LRMDA: variants seen among roughly 807,000 people sequenced by gnomAD.
The protein encoded by LRMDA is leucine-rich melanocyte differentiation-associated protein.
Under a neutral mutation model 29.8 loss-of-function variants are expected in LRMDA, and 18 were observed. The ratio of observed to expected loss-of-function variants is 0.60; its 90% CI spans 0.42 to 0.90. LRMDA has a LOEUF of 0.90. Among genes scored for constraint, LRMDA ranks in the 40% least tolerant of loss-of-function variants. The pLI is 0.00. For missense variants in LRMDA, 273 were observed against 273.9 expected, an observed-to-expected ratio of 1.00 and a Z score of 0.02; for synonymous variants, 125 against 109.4, an observed-to-expected ratio of 1.14 and a Z score of -0.89.
intron 6 of LRMDA, among the ~76,000 whole-genome samples, chr10:76,334,185 G>A (rs1003094424): frequency 2.0e-5 from 3 of 152,210 alleles, no homozygotes; most frequent in African/African-American, 4.8e-5. Flanking sequence ...TGAATCTTGG[G>A]CTCCTGGAAG....
chr10:76,181,513 C>T (rs565889343), intron 5 of LRMDA, among the ~76,000 whole-genome samples: 38 of 152,258 alleles, frequency 2.5e-4, no homozygotes, highest in African/African-American at 8.7e-4. Context: ...TAAATCTGAA[C>T]AGGAAGAGTA....
chr10:75,549,317 A>C (rs1174397239), intron 2 of LRMDA, among the ~76,000 whole-genome samples: 1 of 152,122 alleles, frequency 6.6e-6, no homozygotes, highest in Non-Finnish European at 1.5e-5. Flanking sequence ...GGGATGTTTG[A>C]TCTGGAATGC....
intron 6 of LRMDA, among the ~76,000 whole-genome samples, chr10:76,440,650 A>G (rs1002713050): frequency 6.6e-6 from 1 of 152,110 alleles, no homozygotes; most frequent in Non-Finnish European, 1.5e-5. Flanking sequence ...TCATTATTAC[A>G]TGACTGGAAA....
intron 2 of LRMDA, among the ~76,000 whole-genome samples, chr10:75,810,343 G>A (rs543373846): frequency 8.5e-5 from 13 of 152,310 alleles, no homozygotes; most frequent in African/African-American, 2.2e-4. Flanking sequence ...TAGCAGGAGC[G>A]AAAGCAGGGC....
chr10:76,545,279 G>T (rs1248715525), intron 6 of LRMDA, among the ~76,000 whole-genome samples: 5 of 150,970 alleles, frequency 3.3e-5, no homozygotes, highest in African/African-American at 9.8e-5. Flanking sequence ...TGCAGAACCA[G>T]ACAGAACTGT....
At chr10:76,089,732 C>T (rs1298598483) in intron 5 of LRMDA, among the ~76,000 whole-genome samples, 1 of 152,158 alleles carries the variant, frequency 6.6e-6, no homozygotes, top group African/African-American at 2.4e-5. Flanking sequence ...CAACCACAGC[C>T]TCCCTCCCCA....
At chr10:76,511,970 T>C (rs1310313130) in intron 6 of LRMDA, among the ~76,000 whole-genome samples, 1 of 152,190 alleles carries the variant, frequency 6.6e-6, no homozygotes, top group Non-Finnish European at 1.5e-5. Context: ...GGTTTGGTTC[T>C]GTGTCCCCAC....
intron 5 of LRMDA, among the ~76,000 whole-genome samples, chr10:76,322,474 C>T (rs1164057360): frequency 6.6e-6 from 1 of 152,186 alleles, no homozygotes; most frequent in East Asian, 1.9e-4. Context: ...TAATTAAGTG[C>T]TGGTCATAGA....
chr10:76,489,401 G>A (rs1248053055), intron 6 of LRMDA, among the ~76,000 whole-genome samples: 2 of 151,076 alleles, frequency 1.3e-5, no homozygotes, highest in South Asian at 2.1e-4. Context: ...TTTGGTCATC[G>A]CTCTTTTTTT....
At chr10:76,194,109 G>T (rs1005403944) in intron 5 of LRMDA, among the ~76,000 whole-genome samples, 11 of 152,190 alleles carry the variant, frequency 7.2e-5, no homozygotes, top group African/African-American at 2.4e-4. Context: ...GGAGGTTGGG[G>T]TTACCACTGG....
At chr10:75,829,476 A>G (rs1415974340) in intron 2 of LRMDA, among the ~76,000 whole-genome samples, 1 of 152,214 alleles carries the variant, frequency 6.6e-6, no homozygotes, top group Non-Finnish European at 1.5e-5. Context: ...AGAAAAAAGG[A>G]AAAATTCTAG....
intron 2 of LRMDA, among the ~76,000 whole-genome samples, chr10:75,460,075 A>G (rs1226503192): frequency 6.6e-6 from 1 of 152,188 alleles, no homozygotes; most frequent in African/African-American, 2.4e-5. Context: ...CATTCAGATT[A>G]TTCTTGTATT....
intron 1 of LRMDA, among the ~76,000 whole-genome samples, chr10:75,435,013 G>T (rs7906348): frequency 0.013 from 1,973 of 152,304 alleles, 50 homozygotes; most frequent in African/African-American, 0.045. Flanking sequence ...TTTCTTCTCC[G>T]TAGGGGTCTT....
At chr10:76,526,973 TAATAA>T (rs1454020305) in intron 6 of LRMDA, among the ~76,000 whole-genome samples, 1 of 86,052 alleles carries the variant, frequency 1.2e-5, no homozygotes. Flanking sequence ...ACGTAAAGTA[TAATAA>T]AATAAATAAA....
chr10:76,541,063 A>AT (rs1843348559), intron 6 of LRMDA, among the ~76,000 whole-genome samples: 1 of 152,142 alleles, frequency 6.6e-6, no homozygotes, highest in Admixed American at 6.5e-5. Context: ...TCTGATTTGG[A>AT]TAACTGTCCG....
intron 2 of LRMDA, among the ~76,000 whole-genome samples, chr10:75,922,264 T>C (rs577388350): frequency 5.4e-4 from 82 of 152,350 alleles, no homozygotes; most frequent in Middle Eastern, 3.4e-3. Flanking sequence ...AAGCTTTCAA[T>C]TGTTGCCACC....
Position 76,058,662 on chromosome 10 carries a change from C to T in LRMDA, c.399-4C>T, listed in dbSNP as rs1589307988. The stretch of plus-strand genomic sequence containing the variant: ...CTGAGTTGTCTCTGACTCTTATCTT[C>T]CAGATGCTTTGTTCTGTACAAGCTG... On this transcript the variant is annotated splice_region_variant and splice_polypyrimidine_tract_variant and intron_variant, in intron 4 of 6. Coordinates refer to ENST00000611255, the MANE Select transcript of LRMDA (RefSeq NM_001305581.2). 1.2e-6 allele frequency: 2 copies of T among 1,610,214 alleles called. No homozygotes were observed. Among genetic ancestry groups the T allele is most frequent in the East Asian group, 2.2e-5 (1 of 44,842 alleles).
intron 6 of LRMDA, among the ~76,000 whole-genome samples, chr10:76,503,151 A>T (rs918758760): frequency 1.3e-5 from 2 of 151,974 alleles, no homozygotes; most frequent in African/African-American, 4.8e-5. Context: ...TATTGAGATG[A>T]TCCTATGGCT....
chr10:76,082,221 G>T (rs947569160), intron 5 of LRMDA, among the ~76,000 whole-genome samples: 1 of 152,084 alleles, frequency 6.6e-6, no homozygotes. Flanking sequence ...TACGCAGGGG[G>T]CCCTCAAGCC....
Sources: gnomAD v4.1 joint callset for allele counts (sites outside exome capture counted in the v4.1 genomes callset) on GRCh38, gnomAD v4.1.1 for gene constraint, MANE v1.5 for transcripts, NCBI Gene and HGNC (gene_info 2026-07-23, HGNC 2026-07-21) for gene names.